Variants in PTPRG observed in about 807,000 individuals in gnomAD.
PTPRG encodes receptor-type tyrosine-protein phosphatase gamma.
A neutral mutation model predicts 165.3 loss-of-function variants in PTPRG; 102 were observed. That is an observed-to-expected ratio of 0.62 (90% CI 0.53 to 0.73). The LOEUF (loss-of-function observed/expected upper bound fraction) is 0.73. Among genes scored for constraint, PTPRG ranks in the 30% least tolerant of loss-of-function variants. The pLI is 0.00. For synonymous variants in PTPRG, 675 were observed against 669.5 expected, an observed-to-expected ratio of 1.01 and a Z score of -0.13; for missense variants, 1,866 against 1,861.4, an observed-to-expected ratio of 1.00 and a Z score of -0.05.
intron 1 of PTPRG, among the ~76,000 whole-genome samples, chr3:61,653,030 C>A (rs937686508): frequency 1.3e-5 from 2 of 152,158 alleles, no homozygotes; most frequent in Admixed American, 6.5e-5. Flanking sequence ...GATTTGTATT[C>A]ATTGCAGAAC....
chr3:61,675,695 G>A (rs1703195446), intron 1 of PTPRG, among the ~76,000 whole-genome samples: 1 of 152,172 alleles, frequency 6.6e-6, no homozygotes, highest in East Asian at 1.9e-4. Flanking sequence ...CAAGGGGAGA[G>A]GTGAGGCCTA....
Position 62,238,201 on chromosome 3 carries a change from G to A in PTPRG, c.2376-5606G>A, listed in dbSNP as rs564907020. Among the ~76,000 whole-genome samples, 14 of 152,278 alleles carry A rather than the reference G, an allele frequency of 9.2e-5. 1 individual carries two copies. Among genetic ancestry groups the A allele is most frequent in the African/African-American group, 2.4e-4 (10 of 41,560 alleles). On this transcript the variant is annotated intron_variant, in intron 14 of 29. Transcript: ENST00000474889. ...AGGGACCAACAGATTCACATTTCCCGTTTCACTTTCATTCTGTCTCACATA... is the reference window on the plus strand; with the variant it reads ...AGGGACCAACAGATTCACATTTCCCATTTCACTTTCATTCTGTCTCACATA...
At chr3:62,145,539 A>AGAT (rs148115531) in intron 6 of PTPRG, among the ~76,000 whole-genome samples, 1,647 of 151,950 alleles carry the variant, frequency 0.011, 27 homozygotes, top group African/African-American at 0.034. Flanking sequence ...GAAATGATGA[A>AGAT]GATGATGATG....
chr3:61,789,373 G>A (rs184370185), intron 2 of PTPRG, among the ~76,000 whole-genome samples: 41 of 152,284 alleles, frequency 2.7e-4, no homozygotes, highest in Admixed American at 2.7e-3. Flanking sequence ...CTCTCAAAGT[G>A]TTAGGATTAC....
rs1702046190 is a variant in PTPRG at position 62,271,149 on chromosome 3, T to C, written c.3010-234T>C. ...AAAACTGATACTAAATGTTCATTCT[T>C]AGTACAATCTTAAACAGTCTTCTCT... On this transcript the variant is annotated intron_variant, in intron 20 of 29. Transcript: ENST00000474889. This position sits in a 1 kb window ranked among gnomAD's most constrained non-coding sequence, Gnocchi z 4.1. Among the ~76,000 whole-genome samples, 1 of 152,204 alleles carries C rather than the reference T, an allele frequency of 6.6e-6. No homozygotes were observed. The highest frequency in any genetic ancestry group is 6.5e-5 in the Admixed American group (1 of 15,274).
intron 1 of PTPRG, among the ~76,000 whole-genome samples, chr3:61,694,302 TAA>T (rs1406944797): frequency 6.6e-6 from 1 of 152,136 alleles, no homozygotes; most frequent in Non-Finnish European, 1.5e-5. Flanking sequence ...TTAAAGACAT[TAA>T]GAAAAAGATT....
chr3:61,983,952 C>T (rs182597526), intron 2 of PTPRG, among the ~76,000 whole-genome samples: 7 of 152,136 alleles, frequency 4.6e-5, no homozygotes, highest in African/African-American at 1.2e-4. Context: ...TTATATGTGT[C>T]GACCAAGTTC....
intron 1 of PTPRG, among the ~76,000 whole-genome samples, chr3:61,649,334 A>G (rs1702286543): frequency 6.6e-6 from 1 of 152,132 alleles, no homozygotes; most frequent in Admixed American, 6.5e-5. Flanking sequence ...TAATTTATAA[A>G]CAATATAAAT....
intron 2 of PTPRG, among the ~76,000 whole-genome samples, chr3:61,922,733 TGGGCTCA>T (rs1175416616): frequency 6.6e-6 from 1 of 152,228 alleles, no homozygotes; most frequent in Non-Finnish European, 1.5e-5. Context: ...CTCGGCTTCC[TGGGCTCA>T]GGTGATCGTC....
chr3:61,670,415 C>T (rs9843319), intron 1 of PTPRG, among the ~76,000 whole-genome samples: 263 of 152,324 alleles, frequency 1.7e-3, no homozygotes, highest in African/African-American at 4.9e-3. Context: ...CTCTTAAGAG[C>T]ACCTTGCCTT....
intron 1 of PTPRG, among the ~76,000 whole-genome samples, chr3:61,708,026 G>C (rs955701843): frequency 7.2e-5 from 11 of 152,078 alleles, no homozygotes; most frequent in Admixed American, 7.2e-4. Flanking sequence ...TGAGCTGAAG[G>C]GATCCACCCA....
chr3:61,969,620 G>A (rs146917828), intron 2 of PTPRG, among the ~76,000 whole-genome samples: 47 of 152,168 alleles, frequency 3.1e-4, no homozygotes, highest in East Asian at 2.1e-3. Context: ...TGGAACTGGC[G>A]CCTTTTAGAA....
chr3:61,734,261 T>G (rs753589883), intron 1 of PTPRG, among the ~76,000 whole-genome samples: 2 of 152,174 alleles, frequency 1.3e-5, no homozygotes, highest in Non-Finnish European at 2.9e-5. Context: ...ATACCTAAAA[T>G]CTGCAGGCTT....
chr3:61,979,221 C>T (rs147282353), intron 2 of PTPRG, among the ~76,000 whole-genome samples: 1 of 152,274 alleles, frequency 6.6e-6, no homozygotes, highest in East Asian at 1.9e-4. Flanking sequence ...CCTTTTGGTT[C>T]AGAGTCCAAT....
chr3:61,749,577 C>G lies in PTPRG; in HGVS notation c.190+595C>G, dbSNP rs138795035. Reference sequence around the variant, plus strand: ...TGAATGTTACATTGCAAATAATTTTCTTACATTTTAAGGGGACAAAAATGA... The same window carrying G: ...TGAATGTTACATTGCAAATAATTTTGTTACATTTTAAGGGGACAAAAATGA... On this transcript the variant is annotated intron_variant, in intron 2 of 29. Coordinates refer to ENST00000474889, the MANE Select transcript of PTPRG (RefSeq NM_002841.4). The G allele has an allele frequency of 9.5e-3, 1,473 of 155,016 alleles. 16 individuals carry two copies. Among genetic ancestry groups the G allele is most frequent in the Middle Eastern group, 0.037 (11 of 296 alleles). 9.6% of individuals were successfully genotyped at this position (155,016 alleles called of 1,614,324 possible). A position where few individuals can be genotyped will look rare whatever the true frequency, so the allele number is the denominator to read the frequency against.
intron 4 of PTPRG, among the ~76,000 whole-genome samples, chr3:62,022,531 G>A (rs865875097): frequency 5.9e-5 from 9 of 152,192 alleles, no homozygotes; most frequent in East Asian, 1.9e-4. Flanking sequence ...CGGTGTGAAC[G>A]ATGCAGGTAG....
intron 4 of PTPRG, among the ~76,000 whole-genome samples, chr3:62,067,624 G>A (rs527744657): frequency 6.6e-6 from 1 of 152,310 alleles, no homozygotes; most frequent in Admixed American, 6.5e-5. Context: ...GTCCCATCTA[G>A]GGATGATGGG....
intron 5 of PTPRG, among the ~76,000 whole-genome samples, chr3:62,090,932 C>A (rs1332662274): frequency 6.6e-6 from 1 of 152,204 alleles, no homozygotes; most frequent in Non-Finnish European, 1.5e-5. Flanking sequence ...CATGCCACTT[C>A]AATCCCTTTG....
intron 2 of PTPRG, among the ~76,000 whole-genome samples, chr3:61,962,109 A>G (rs2040166078): frequency 6.6e-6 from 1 of 152,096 alleles, no homozygotes; most frequent in South Asian, 2.1e-4. Context: ...AATATATCTG[A>G]CACCTTAAGC....
Sources: gnomAD v4.1 joint callset for allele counts (sites outside exome capture counted in the v4.1 genomes callset) on GRCh38, gnomAD v4.1.1 for gene constraint, Gnocchi (gnomAD v3.1) non-coding constraint, MANE v1.5 for transcripts, NCBI Gene and HGNC (gene_info 2026-07-23, HGNC 2026-07-21) for gene names.